CTNND2: variants seen among roughly 807,000 people sequenced by gnomAD.
CTNND2 encodes catenin delta-2.
In CTNND2, 22 loss-of-function variants were observed where a neutral mutation model predicts 144.4. The ratio of observed to expected loss-of-function variants is 0.15; its 90% confidence interval spans 0.11 to 0.22. CTNND2 has a LOEUF of 0.22. Ranked by LOEUF, CTNND2 falls within the 10% of genes least tolerant of loss-of-function variation. The probability of loss-of-function intolerance (pLI) is 1.00; values close to 1 mark genes in which losing one functional copy is unlikely to be tolerated. For synonymous variants in CTNND2, 751 were observed against 695.6 expected, an observed-to-expected ratio of 1.08 and a Z score of -1.25; for missense variants, 1,353 against 1,618.8, an observed-to-expected ratio of 0.84 and a Z score of 2.82.
At chr5:11,023,012 G>A in intron 16 of CTNND2, 33 bp from the exon 17 acceptor site, 1 of 1,602,418 alleles carries the variant, frequency 6.2e-7, no homozygotes, top group South Asian at 1.1e-5. Context: ...GAGTTGAAAG[G>A]AGGTCAAGGT....
chr5:11,885,557 T>C (rs1476511714), intron 1 of CTNND2, among the ~76,000 whole-genome samples: 2 of 152,094 alleles, frequency 1.3e-5, no homozygotes, highest in African/African-American at 4.8e-5. Flanking sequence ...AAAGCAAATA[T>C]TAATAGATCT....
At chr5:11,164,301 C>CT (rs1482045172) in intron 11 of CTNND2, among the ~76,000 whole-genome samples, 5 of 152,070 alleles carry the variant, frequency 3.3e-5, no homozygotes, top group Admixed American at 6.6e-5. Context: ...AGGGGGTGGG[C>CT]TTTTTTTGCA....
At chr5:11,585,493 T>TATCTATCTATCC (rs1554089670) in intron 2 of CTNND2, among the ~76,000 whole-genome samples, 1 of 150,896 alleles carries the variant, frequency 6.6e-6, no homozygotes, top group African/African-American at 2.4e-5. Flanking sequence ...TATATCTATC[T>TATCTATCTATCC]ATCTATCTAT....
intron 1 of CTNND2, among the ~76,000 whole-genome samples, chr5:11,828,268 G>C (rs537189475): frequency 2.3e-4 from 35 of 152,218 alleles, no homozygotes; most frequent in African/African-American, 7.5e-4. Flanking sequence ...GGTGGCTCAT[G>C]CCTGTAATCC....
chr5:11,101,291 G>A (rs1324943162), intron 14 of CTNND2, among the ~76,000 whole-genome samples: 2 of 152,180 alleles, frequency 1.3e-5, no homozygotes, highest in African/African-American at 4.8e-5. Context: ...GCTGTAACAT[G>A]ACTGGACGTA....
intron 9 of CTNND2, among the ~76,000 whole-genome samples, chr5:11,302,971 C>T (rs1290696644): frequency 6.6e-6 from 1 of 152,158 alleles, no homozygotes; most frequent in Non-Finnish European, 1.5e-5. Context: ...TTCAGACCCA[C>T]AGGCATAGCC....
At chr5:11,228,385 A>T (rs1740610548) in intron 10 of CTNND2, among the ~76,000 whole-genome samples, 1 of 148,216 alleles carries the variant, frequency 6.7e-6, no homozygotes. Flanking sequence ...AAAAACAAAG[A>T]ATGTGAATGC....
intron 2 of CTNND2, among the ~76,000 whole-genome samples, chr5:11,636,645 G>A (rs1184605764): frequency 1.3e-5 from 2 of 152,090 alleles, no homozygotes; most frequent in East Asian, 3.9e-4. Context: ...TTCAGGTATT[G>A]CTGTTAATCA....
chr5:11,760,220 T>C (rs1789180978), intron 1 of CTNND2, among the ~76,000 whole-genome samples: 1 of 152,108 alleles, frequency 6.6e-6, no homozygotes, highest in African/African-American at 2.4e-5. Flanking sequence ...TTCCAGTGCC[T>C]ACCACAATGG....
intron 10 of CTNND2, among the ~76,000 whole-genome samples, chr5:11,235,062 C>A (rs999361340): frequency 3.9e-5 from 6 of 152,166 alleles, no homozygotes; most frequent in African/African-American, 1.2e-4. Flanking sequence ...TTTTCAGGCC[C>A]TCTTGGTGTG....
At chr5:11,753,481 T>C (rs922315340) in intron 1 of CTNND2, among the ~76,000 whole-genome samples, 1 of 151,904 alleles carries the variant, frequency 6.6e-6, no homozygotes, top group Non-Finnish European at 1.5e-5. Flanking sequence ...ATTTATTGAT[T>C]TGCAAATGTT....
Position 11,074,249 on chromosome 5 carries a change from C to T in CTNND2, c.2788+8447G>A, listed in dbSNP as rs191369819. On this transcript the variant is annotated intron_variant, in intron 16 of 21. Transcript: ENST00000304623. ...TCACGTGCCAGCCATTAGCATGAGA[C>T]GCAAAAATAAGAAAACACATGGGTA... Among the ~76,000 whole-genome samples the T allele has an allele frequency of 5.9e-5, 9 of 152,246 alleles. No homozygotes were observed. In the South Asian group the frequency reaches 6.2e-4, roughly 11 times the overall value.
In CTNND2 at chr5:11,409,270, T is replaced by C. The variant is rs557069917; in HGVS notation, c.439+2266A>G. Among the ~76,000 whole-genome samples, 46 of 152,170 alleles carry C rather than the reference T, an allele frequency of 3.0e-4. No individual in the cohort carries two copies. In the South Asian group the frequency reaches 8.9e-3, roughly 29 times the overall value. ...TTTACTTTTAGTGTTGGTAGATTTTTATCCAAGAATATGGCCCTCCATACT... is the reference window on the plus strand; with the variant it reads ...TTTACTTTTAGTGTTGGTAGATTTTCATCCAAGAATATGGCCCTCCATACT... On this transcript the variant is annotated intron_variant, in intron 5 of 21. Coordinates refer to ENST00000304623, the MANE Select transcript of CTNND2 (RefSeq NM_001332.4).
In CTNND2 at chr5:11,621,085, T is replaced by A. The variant is rs116024179; in HGVS notation, c.175-56029A>T. Among the ~76,000 whole-genome samples, 198 of 152,294 alleles carry A rather than the reference T, an allele frequency of 1.3e-3. 1 individual carries two copies. Among genetic ancestry groups the A allele is most frequent in the African/African-American group, 4.7e-3 (197 of 41,560 alleles). On this transcript the variant is annotated intron_variant, in intron 2 of 21. Transcript: ENST00000304623. ...AACGGTGTATATGTGAGTGGATGAG[T>A]ATCTGCATGTGTGTACACACACACA...
rs184925521 is a variant in CTNND2 at position 11,439,442 on chromosome 5, A to C, written c.288-27373T>G. Among the ~76,000 whole-genome samples the C allele has an allele frequency of 1.4e-4, 22 of 152,212 alleles. No homozygotes were observed. In the East Asian group the frequency reaches 3.7e-3, roughly 25 times the overall value. ...GTCACTTTTTCCCTTTCACTCCTTT[A>C]GTTTTCTGTTAATGGAAGAAGATGT... On this transcript the variant is annotated intron_variant, in intron 3 of 21. Transcript: ENST00000304623.
chr5:11,647,738 C>T (rs997623010), intron 2 of CTNND2, among the ~76,000 whole-genome samples: 1 of 152,158 alleles, frequency 6.6e-6, no homozygotes, highest in African/African-American at 2.4e-5. Context: ...GCTAACTCTA[C>T]ACTCTGTCCC....
chr5:11,240,791 AACCCCCACACACCCAACAC>A (rs1223680224), intron 9 of CTNND2, among the ~76,000 whole-genome samples: 1 of 124,142 alleles, frequency 8.1e-6, no homozygotes, highest in African/African-American at 3.1e-5. Flanking sequence ...ACACACCCCC[AACCCCCACACACCCAACAC>A]ACACATACAC....
chr5:11,483,834 G>A (rs1295990203), intron 3 of CTNND2, among the ~76,000 whole-genome samples: 2 of 152,208 alleles, frequency 1.3e-5, no homozygotes, highest in Non-Finnish European at 2.9e-5. Flanking sequence ...ATCAGAGAGT[G>A]AAGCAGGAAA....
intron 3 of CTNND2, among the ~76,000 whole-genome samples, chr5:11,455,428 G>A (rs915978055): frequency 2.0e-5 from 3 of 152,166 alleles, no homozygotes; most frequent in African/African-American, 7.2e-5. Context: ...CATTGTGGGT[G>A]GAAATAATTT....
Sources: allele counts gnomAD v4.1 joint callset (sites outside exome capture counted in the v4.1 genomes callset), GRCh38; gene constraint gnomAD v4.1.1; transcripts MANE v1.5; gene names NCBI Gene and HGNC (gene_info 2026-07-23, HGNC 2026-07-21).